The following ZDHHC21 variants were observed in gnomAD, a reference collection of about 807,000 sequenced individuals.
ZDHHC21 encodes palmitoyltransferase ZDHHC21.
Under a neutral mutation model 34.6 loss-of-function variants are expected in ZDHHC21, and 15 were observed. That is an observed-to-expected ratio of 0.43 (90% confidence interval 0.29 to 0.67). The LOEUF is 0.67. Among genes scored for constraint, ZDHHC21 ranks in the 30% least tolerant of loss-of-function variants. The pLI, the probability that ZDHHC21 is intolerant of heterozygous loss-of-function variation, is 0.14. For missense variants in ZDHHC21, 344 were observed against 327.7 expected, an observed-to-expected ratio of 1.05 and a Z score of -0.38; for synonymous variants, 142 against 101.8, an observed-to-expected ratio of 1.40 and a Z score of -2.38.
the ZDHHC21 span, among the ~76,000 whole-genome samples, chr9:14,594,767 G>A: frequency 6.6e-6 from 1 of 152,010 alleles, no homozygotes; most frequent in Admixed American, 6.6e-5. Flanking sequence ...CAAACTAAAA[G>A]AAAATATTTG....
downstream of ZDHHC21, among the ~76,000 whole-genome samples, chr9:14,610,086 C>T (rs1823153772): frequency 6.6e-6 from 1 of 152,014 alleles, no homozygotes; most frequent in East Asian, 1.9e-4. Context: ...AATGAATTAG[C>T]AACTATTTAA....
chr9:14,627,743 T>C (rs555813307), intron 8 of ZDHHC21, among the ~76,000 whole-genome samples: 5 of 152,306 alleles, frequency 3.3e-5, no homozygotes, highest in African/African-American at 1.2e-4. Flanking sequence ...GTTACAGCAC[T>C]TCTTGATTAA....
At position 14,613,598 on chromosome 9, in the gene ZDHHC21, C is replaced by G. The variant is rs895566635; in HGVS notation, c.*5368G>C. 6.6e-6 allele frequency: 1 copy of G among 151,630 alleles called. No individual in the cohort carries two copies. Among genetic ancestry groups the G allele is most frequent in the Non-Finnish European group, 1.5e-5 (1 of 67,768 alleles). 9.4% of individuals were successfully genotyped at this position (151,630 alleles called of 1,614,324 possible). On this transcript the variant is annotated 3_prime_UTR_variant, in exon 10 of 10. Transcript: ENST00000380916. ...CATCTTTGTTTATATATAAAGCTAT[C>G]GATACCAAAAAAATCAGTGTTGAAC...
chr9:14,606,035 G>C, the ZDHHC21 span, among the ~76,000 whole-genome samples: 1 of 152,146 alleles, frequency 6.6e-6, no homozygotes, highest in African/African-American at 2.4e-5. Flanking sequence ...ACATAATCTT[G>C]ATTTAGGAAA....
downstream of ZDHHC21, among the ~76,000 whole-genome samples, chr9:14,606,531 C>T (rs551520540): frequency 5.3e-5 from 8 of 152,198 alleles, no homozygotes; most frequent in African/African-American, 9.6e-5. Flanking sequence ...CAGGATCTTT[C>T]GGTCCTCCAG....
At chr9:14,608,222 G>A (rs901049946), downstream of ZDHHC21, among the ~76,000 whole-genome samples, 1 of 152,072 alleles carries the variant, frequency 6.6e-6, no homozygotes, top group Non-Finnish European at 1.5e-5. Context: ...CTAGGATTAC[G>A]CATCTATAGT....
At chr9:14,643,203 G>A (rs761547263) in intron 7 of ZDHHC21, among the ~76,000 whole-genome samples, 62 of 152,102 alleles carry the variant, frequency 4.1e-4, no homozygotes, top group Non-Finnish European at 6.0e-4. Context: ...AGCCGAGATC[G>A]TGCCACTGCA....
chr9:14,601,196 C>T, the ZDHHC21 span, among the ~76,000 whole-genome samples: 1 of 152,174 alleles, frequency 6.6e-6, no homozygotes, highest in Non-Finnish European at 1.5e-5. Context: ...AAGAAACTAT[C>T]ATCAGGGTGA....
downstream of ZDHHC21, among the ~76,000 whole-genome samples, chr9:14,607,804 A>C (rs747328974): frequency 6.6e-6 from 1 of 152,202 alleles, no homozygotes; most frequent in African/African-American, 2.4e-5. Context: ...CAGGGCTTTG[A>C]ATACCAAAAA....
At chr9:14,602,133 A>G in the ZDHHC21 span, among the ~76,000 whole-genome samples, 8 of 151,978 alleles carry the variant, frequency 5.3e-5, no homozygotes, top group Admixed American at 5.2e-4. Flanking sequence ...GCATCCCAGA[A>G]CTTAAAGTAT....
intron 8 of ZDHHC21, among the ~76,000 whole-genome samples, chr9:14,635,656 C>T (rs778337848): frequency 1.1e-4 from 17 of 152,218 alleles, no homozygotes; most frequent in Non-Finnish European, 1.9e-4. Flanking sequence ...CATCCCTAGA[C>T]TGGTCCTACA....
rs1191982707 is a variant in ZDHHC21 at position 14,618,201 on chromosome 9, G to A, written c.*765C>T. ...ATAAAATAGGAATACATGCCCACTG[G>A]TCAGGAGTTCTCCTGGGAGCAAATA... On this transcript the variant is annotated 3_prime_UTR_variant, in exon 10 of 10. Coordinates refer to ENST00000380916, the MANE Select transcript of ZDHHC21 (RefSeq NM_178566.6). The A allele has an allele frequency of 6.6e-6, 1 of 152,406 alleles. No individual in the cohort carries two copies. Among genetic ancestry groups the A allele is most frequent in the Non-Finnish European group, 1.5e-5 (1 of 67,968 alleles). The allele number at this position is 152,406 out of a possible 1,614,324, so 9.4% of individuals were successfully genotyped here.
intron 7 of ZDHHC21, among the ~76,000 whole-genome samples, chr9:14,644,292 T>C (rs191412502): frequency 1.3e-5 from 2 of 152,212 alleles, no homozygotes; most frequent in Admixed American, 6.5e-5. Context: ...AAATCATTTA[T>C]ACAGTTACAT....
rs999497214 is a variant in ZDHHC21 at position 14,613,629 on chromosome 9, T to C, written c.*5337A>G. ...CAAAAAAATCAGTGTTGAACTGTTA[T>C]AAGAACGACATTACATGTTACAGAT... On this transcript the variant is annotated 3_prime_UTR_variant, in exon 10 of 10. Transcript: ENST00000380916. 5.3e-5 allele frequency: 8 copies of C among 151,968 alleles called. No individual in the cohort carries two copies. Among genetic ancestry groups the C allele is most frequent in the African/African-American group, 1.7e-4 (7 of 41,538 alleles). 9.4% of individuals were successfully genotyped at this position (151,968 alleles called of 1,614,324 possible).
intron 2 of ZDHHC21, among the ~76,000 whole-genome samples, chr9:14,688,291 C>T (rs912934069): frequency 4.0e-5 from 6 of 150,840 alleles, no homozygotes; most frequent in African/African-American, 1.0e-4. Flanking sequence ...GGCAAAGCAG[C>T]GCCTCCAAAA....
At chr9:14,654,353 CA>C (rs1831797456) in intron 7 of ZDHHC21, among the ~76,000 whole-genome samples, 1 of 151,302 alleles carries the variant, frequency 6.6e-6, no homozygotes, top group South Asian at 2.1e-4. Flanking sequence ...TCTTGTTATA[CA>C]AACCCCTGAT....
chr9:14,691,407 G>C (rs569914122), intron 1 of ZDHHC21, among the ~76,000 whole-genome samples: 4 of 152,084 alleles, frequency 2.6e-5, no homozygotes, highest in African/African-American at 9.7e-5. Flanking sequence ...GCTATATGTG[G>C]GTCACATTTT....
chr9:14,632,879 A>C (rs978508808), intron 8 of ZDHHC21, among the ~76,000 whole-genome samples: 1 of 152,198 alleles, frequency 6.6e-6, no homozygotes, highest in Admixed American at 6.5e-5. Context: ...TAAAACTATG[A>C]TGAGGTATTA....
intron 8 of ZDHHC21, among the ~76,000 whole-genome samples, chr9:14,638,306 G>A (rs1248441397): frequency 6.6e-6 from 1 of 151,932 alleles, no homozygotes; most frequent in African/African-American, 2.4e-5. Flanking sequence ...TTGAATACAT[G>A]AGAAGTGCTG....
Sources: gnomAD v4.1 joint callset for allele counts (sites outside exome capture counted in the v4.1 genomes callset) on GRCh38, gnomAD v4.1.1 for gene constraint, MANE v1.5 for transcripts, NCBI Gene and HGNC (gene_info 2026-07-23, HGNC 2026-07-21) for gene names.